Variants in PCDH15 observed in about 807,000 individuals in gnomAD.
PCDH15 encodes the protein protocadherin-15.
PCDH15 carries 129 observed loss-of-function variants against 178.5 expected under a neutral mutation model. That is an observed-to-expected ratio of 0.72 (90% CI 0.63 to 0.84). The LOEUF (loss-of-function observed/expected upper bound fraction) is 0.84. PCDH15 is among the 40% of genes least tolerant of loss of function. The probability of loss-of-function intolerance (pLI) is 0.00; values close to 1 mark genes in which losing one functional copy is unlikely to be tolerated. For synonymous variants in PCDH15, 800 were observed against 732.0 expected, an observed-to-expected ratio of 1.09 and a Z score of -1.50; for missense variants, 2,230 against 2,099.9, an observed-to-expected ratio of 1.06 and a Z score of -1.21.
At chr10:54,794,770 T>C (rs1026329206) in intron 1 of PCDH15, among the ~76,000 whole-genome samples, 2 of 151,898 alleles carry the variant, frequency 1.3e-5, no homozygotes, top group Non-Finnish European at 2.9e-5. Flanking sequence ...ATTTATAAGA[T>C]AAATTCAACA....
At chr10:54,626,961 T>A (rs1016894395) in intron 2 of PCDH15, among the ~76,000 whole-genome samples, 2 of 152,130 alleles carry the variant, frequency 1.3e-5, no homozygotes, top group South Asian at 4.1e-4. Context: ...ATGTGAGACA[T>A]GGATTTAAAG....
intron 8 of PCDH15, among the ~76,000 whole-genome samples, chr10:54,280,537 A>T (rs1055401999): frequency 6.6e-6 from 1 of 151,590 alleles, no homozygotes; most frequent in Non-Finnish European, 1.5e-5. Flanking sequence ...GCTTTTATCT[A>T]TTCAATTTCT....
intron 2 of PCDH15, among the ~76,000 whole-genome samples, chr10:54,627,839 C>T (rs933906682): frequency 2.0e-5 from 3 of 152,126 alleles, no homozygotes; most frequent in Non-Finnish European, 2.9e-5. Flanking sequence ...TGAGAATCTG[C>T]AGTTCTCACA....
intron 2 of PCDH15, among the ~76,000 whole-genome samples, chr10:55,479,662 C>T (rs962124708): frequency 6.6e-6 from 1 of 151,474 alleles, no homozygotes; most frequent in Non-Finnish European, 1.5e-5. Flanking sequence ...GATGTCATAG[C>T]CTGAGCAATT....
chr10:55,613,923 A>G (rs536126367), intron 2 of PCDH15, among the ~76,000 whole-genome samples: 1 of 152,232 alleles, frequency 6.6e-6, no homozygotes, highest in South Asian at 2.1e-4. Context: ...ACTGGCTAAC[A>G]TGGTGAAAAC....
chr10:55,118,207 G>A (rs755209758), intron 2 of PCDH15, among the ~76,000 whole-genome samples: 1 of 152,134 alleles, frequency 6.6e-6, no homozygotes, highest in Non-Finnish European at 1.5e-5. Context: ...AAACCAGACT[G>A]AGAAAGGCCA....
intron 2 of PCDH15, among the ~76,000 whole-genome samples, chr10:55,424,064 T>C (rs942460560): frequency 6.6e-6 from 1 of 152,082 alleles, no homozygotes; most frequent in African/African-American, 2.4e-5. Context: ...TATTTTTGCA[T>C]GAGGCTAAGT....
chr10:55,418,607 C>G (rs1838543630), intron 2 of PCDH15, among the ~76,000 whole-genome samples: 1 of 151,646 alleles, frequency 6.6e-6, no homozygotes, highest in Non-Finnish European at 1.5e-5. Flanking sequence ...ATGATGGAGA[C>G]CACACAGAAC....
intron 2 of PCDH15, among the ~76,000 whole-genome samples, chr10:55,577,715 G>A (rs1480891084): frequency 6.6e-6 from 1 of 152,152 alleles, no homozygotes; most frequent in Non-Finnish European, 1.5e-5. Flanking sequence ...TAATTTTGGA[G>A]ATAAAGTCTA....
intron 1 of PCDH15, among the ~76,000 whole-genome samples, chr10:55,272,362 TTTTA>T (rs1328396520): frequency 9.3e-5 from 14 of 150,372 alleles, no homozygotes; most frequent in African/African-American, 3.2e-4. Context: ...CTTATTTTAT[TTTTA>T]TTTATTTATA....
chr10:54,620,143 C>T (rs1281358645), intron 2 of PCDH15, among the ~76,000 whole-genome samples: 1 of 151,966 alleles, frequency 6.6e-6, no homozygotes, highest in Non-Finnish European at 1.5e-5. Context: ...CCCACAAAAG[C>T]CCTAAAGATT....
chr10:54,898,749 A>G (rs1954589196), intron 2 of PCDH15, among the ~76,000 whole-genome samples: 1 of 152,196 alleles, frequency 6.6e-6, no homozygotes, highest in Admixed American at 6.6e-5. Flanking sequence ...TACAAGAAAC[A>G]TTTTGAATCC....
intron 1 of PCDH15, among the ~76,000 whole-genome samples, chr10:54,733,221 G>A (rs1943644857): frequency 6.6e-6 from 1 of 151,446 alleles, no homozygotes; most frequent in African/African-American, 2.4e-5. Flanking sequence ...TATCTATGTA[G>A]AAAATATCTG....
intron 2 of PCDH15, among the ~76,000 whole-genome samples, chr10:55,476,923 A>G (rs887327407): frequency 2.6e-5 from 4 of 151,972 alleles, no homozygotes; most frequent in Admixed American, 6.6e-5. Context: ...TAAGAAAAAA[A>G]TCCAGTTTTA....
chr10:54,507,607 T>C (rs1170625328), intron 3 of PCDH15, among the ~76,000 whole-genome samples: 1 of 152,004 alleles, frequency 6.6e-6, no homozygotes, highest in Non-Finnish European at 1.5e-5. Flanking sequence ...TTTACTCATA[T>C]GATCTCTCAC....
chr10:53,925,421 C>T (rs1020295095), intron 25 of PCDH15, among the ~76,000 whole-genome samples: 1 of 152,210 alleles, frequency 6.6e-6, no homozygotes, highest in South Asian at 2.1e-4. Flanking sequence ...CACGCCCGAA[C>T]ATCAGAAGGA....
Position 55,328,947 on chromosome 10 carries a change from T to TATATAG in PCDH15, c.-155-162297_-155-162296insCTATAT, listed in dbSNP as rs1406319803. On this transcript the variant is annotated intron_variant, in intron 2 of 5. Coordinates refer to the PCDH15 transcript ENST00000613346. ...ATATATATATATATATATATATATA[T>TATATAG]ATAAAATATATAATATGGGGATGTA... 4.7e-5 allele frequency among the ~76,000 whole-genome samples: 6 copies of TATATAG among 126,564 alleles called. No individual in the cohort carries two copies. In the East Asian group the frequency reaches 1.3e-3, roughly 28 times the overall value. The allele number at this position is 126,564 out of a possible 152,430, so 83.0% of individuals were successfully genotyped here.
intron 2 of PCDH15, among the ~76,000 whole-genome samples, chr10:55,036,400 C>T (rs1840734801): frequency 1.3e-5 from 2 of 152,156 alleles, no homozygotes; most frequent in Non-Finnish European, 2.9e-5. Context: ...TTAGAATGTA[C>T]AATTTCCCCA....
intron 2 of PCDH15, among the ~76,000 whole-genome samples, chr10:55,606,601 C>T (rs1273235366): frequency 6.7e-6 from 1 of 148,190 alleles, no homozygotes; most frequent in Non-Finnish European, 1.5e-5. Context: ...TGCATATCTA[C>T]AAGTATCTGA....
Sources: allele counts gnomAD v4.1 joint callset (sites outside exome capture counted in the v4.1 genomes callset), GRCh38; gene constraint gnomAD v4.1.1; transcripts MANE v1.5; gene names NCBI Gene and HGNC (gene_info 2026-07-23, HGNC 2026-07-21).